The following BTNL3 variants were observed in gnomAD, a reference collection of about 807,000 sequenced individuals.
BTNL3 encodes butyrophilin-like protein 3.
A neutral mutation model predicts 40.1 loss-of-function variants in BTNL3; 20 were observed. The ratio of observed to expected loss-of-function variants is 0.50; its 90% CI spans 0.35 to 0.72. BTNL3 has a LOEUF of 0.72. Ranked by LOEUF, BTNL3 falls within the 30% of genes least tolerant of loss-of-function variation. The pLI, the probability that BTNL3 is intolerant of heterozygous loss-of-function variation, is 0.01. For synonymous variants in BTNL3, 179 were observed against 222.1 expected (o/e 0.81, Z 1.73); for missense variants, 449 against 582.2 (o/e 0.77, Z 2.35).
Position 181,001,698 on chromosome 5 carries a change from A to T in BTNL3, c.674-974A>T, listed in dbSNP as rs540271210. Among the ~76,000 whole-genome samples the T allele has an allele frequency of 5.3e-3, 711 of 133,998 alleles. 68 individuals carry two copies. The highest frequency in any genetic ancestry group is 0.017 in the African/African-American group (663 of 39,190). The allele number at this position is 133,998 out of a possible 152,430, so 87.9% of individuals were successfully genotyped here. ...ATCTCTACTAAAAATACAAAAAATTAGCTAGGCGTGGTGGCGGGCGCCTGT... is the reference window on the plus strand; with the variant it reads ...ATCTCTACTAAAAATACAAAAAATTTGCTAGGCGTGGTGGCGGGCGCCTGT... On this transcript the variant is annotated intron_variant, in intron 3 of 7. Transcript: ENST00000342868.
intron 1 of BTNL3, among the ~76,000 whole-genome samples, chr5:180,990,415 A>G (rs989264681): frequency 7.3e-6 from 1 of 137,804 alleles, no homozygotes; most frequent in African/African-American, 2.5e-5. Context: ...TAATAAGATC[A>G]CATCTGTGAC....
chr5:181,001,910 T>TA lies in BTNL3; in HGVS notation c.674-751dup, dbSNP rs1290854815. ...AGGAGAAAAGAATAAACATTACCTT[T>TA]AAAAAAAAAAAGAAATCCTCCCACT... On this transcript the variant is annotated intron_variant, in intron 3 of 7. Transcript: ENST00000342868. Among the ~76,000 whole-genome samples, 112 of 122,458 alleles carry TA rather than the reference T, an allele frequency of 9.1e-4. 18 individuals carry two copies. The highest frequency in any genetic ancestry group is 5.1e-3 in the South Asian group (21 of 4,126). The allele number at this position is 122,458 out of a possible 152,430, so 80.3% of individuals were successfully genotyped here.
Position 180,993,037 on chromosome 5 carries a change from A to G in BTNL3, c.274A>G (p.Ile92Val). The change falls in exon 2 of 8, where the codon ATT becomes GTT. Residue 92 changes from isoleucine to valine, a missense_variant. By Grantham distance (29) the Ile-to-Val change is conservative. Coordinates refer to ENST00000342868, the MANE Select transcript of BTNL3 (RefSeq NM_197975.3). Reference sequence around the variant, plus strand: ...GAGAACTGAGTTTGTGAAGGACTCCATTGCAGGGGGGCGTGTCTCTCTAAG... The same window carrying G: ...GAGAACTGAGTTTGTGAAGGACTCCGTTGCAGGGGGGCGTGTCTCTCTAAG... ...RGRTEFVKDSIAGGRVSLRLK... is the reference protein window; with the variant it reads ...RGRTEFVKDSVAGGRVSLRLK... The G allele has an allele frequency of 1.4e-6, 2 of 1,458,288 alleles. 1 individual carries two copies. The allele number at this position is 1,458,288 out of a possible 1,614,324, so 90.3% of individuals were successfully genotyped here.
Position 181,005,239 on chromosome 5 carries a change from C to T in BTNL3, c.863-95C>T, listed in dbSNP as rs111438853. 5.6e-3 allele frequency: 8,822 copies of T among 1,582,388 alleles called. 440 individuals are homozygous for T. In the African/African-American group the frequency reaches 0.1, roughly 19 times the overall value. On this transcript the variant is annotated intron_variant, in intron 7 of 7. Coordinates refer to ENST00000342868, the MANE Select transcript of BTNL3 (RefSeq NM_197975.3). ...ATAGTGGGACTGGCCGGATCCTACC[C>T]GGAGCCAGTCTGCAGTGGGAGGGTC...
rs370760760 is a variant in BTNL3, at chr5:180,995,863, C to T, written c.398-1350C>T. On this transcript the variant is annotated intron_variant, in intron 2 of 7. Transcript: ENST00000342868. ...TCTACTCCTGGGGTCCCTAGTCAGT[C>T]CTCCTTAGTCTTTCCACTTTTCAAA... 2.4e-4 allele frequency among the ~76,000 whole-genome samples: 32 copies of T among 135,270 alleles called. 1 individual carries two copies. The South Asian group carries it at 6.9e-3, about 29-fold the overall frequency. 88.7% of individuals were successfully genotyped at this position (135,270 alleles called of 152,430 possible).
At chr5:181,000,414 A>T (rs1255293853) in intron 3 of BTNL3, among the ~76,000 whole-genome samples, 1 of 137,472 alleles carries the variant, frequency 7.3e-6, no homozygotes, top group East Asian at 2.1e-4. Context: ...TCTGATAAAA[A>T]GATATCTAAA....
At chr5:181,002,357 C>T (rs1225215011) in intron 3 of BTNL3, among the ~76,000 whole-genome samples, 1 of 66,408 alleles carries the variant, frequency 1.5e-5, no homozygotes, top group Admixed American at 2.3e-4. Context: ...CACACACACA[C>T]ACACACACAC....
chr5:181,005,534 G>A lies in BTNL3; in HGVS notation c.1063G>A (p.Val355Met), dbSNP rs780249765. 6.2e-7 allele frequency: 1 copy of A among 1,614,158 alleles called. No homozygotes were observed. The highest frequency in any genetic ancestry group is 8.5e-7 in the Non-Finnish European group (1 of 1,180,034). The change falls in exon 8 of 8, where the codon GTG becomes ATG. Residue 355 changes from valine to methionine, a missense_variant. Physicochemically the swap from Val to Met is conservative, Grantham distance 21 (BLOSUM62 1). Around this residue, in one of 2 missense-constraint regions of BTNL3, gnomAD observed 323 missense variants for 464.9 expected, o/e 0.69. Transcript: ENST00000342868. ...VDVGQNVGWY[V>M]GVCRDDVDRG... The stretch of plus-strand genomic sequence containing the variant: ...CGTGGGACAAAATGTAGGGTGGTAT[G>A]TGGGAGTGTGTCGGGATGACGTAGA...
At chr5:181,002,097 A>G (rs1310819377) in intron 3 of BTNL3, among the ~76,000 whole-genome samples, 2 of 133,982 alleles carry the variant, frequency 1.5e-5, no homozygotes, top group Non-Finnish European at 3.4e-5. Flanking sequence ...GCTTAGTCTT[A>G]TCTCAGAGAC....
chr5:181,004,807 T>C, intron 7 of BTNL3, 45 bp downstream of exon 7: 3 of 1,614,050 alleles, frequency 1.9e-6, no homozygotes, highest in Non-Finnish European at 2.5e-6. Flanking sequence ...AGTAGGAAGA[T>C]GACCAGTGAC....
At position 181,002,259 on chromosome 5, in the gene BTNL3, A is replaced by G. The variant is rs1283624631; in HGVS notation, c.674-413A>G. Among the ~76,000 whole-genome samples the G allele has an allele frequency of 2.3e-5, 3 of 128,560 alleles. 1 individual carries two copies. Among genetic ancestry groups the G allele is most frequent in the Non-Finnish European group, 5.3e-5 (3 of 56,778 alleles). 84.3% of individuals were successfully genotyped at this position (128,560 alleles called of 152,430 possible). On this transcript the variant is annotated intron_variant, in intron 3 of 7. Transcript: ENST00000342868. ...ACCTTGCATGTGTGGCAGTGTGTAAAGCAAGGTCCACTCAACAAACATTGC... is the reference window on the plus strand; with the variant it reads ...ACCTTGCATGTGTGGCAGTGTGTAAGGCAAGGTCCACTCAACAAACATTGC...
At position 180,997,181 on chromosome 5, in the gene BTNL3, T is replaced by G. The variant is rs375050350; in HGVS notation, c.398-32T>G. Reference sequence around the variant, plus strand: ...AATGCTGTAAGCTTGAAATTTGGTCTTTGCTTTCATCTTTCCCTGTTTTCT... The same window carrying G: ...AATGCTGTAAGCTTGAAATTTGGTCGTTGCTTTCATCTTTCCCTGTTTTCT... On this transcript the variant is annotated intron_variant, in intron 2 of 7. Transcript: ENST00000342868. 20 of 1,463,042 alleles carry G rather than the reference T, an allele frequency of 1.4e-5. 4 individuals carry two copies. Among genetic ancestry groups the G allele is most frequent in the Non-Finnish European group, 1.8e-5 (19 of 1,059,124 alleles). The allele number at this position is 1,463,042 out of a possible 1,614,324, so 90.6% of individuals were successfully genotyped here. A position where few individuals can be genotyped will look rare whatever the true frequency, so the allele number is the denominator to read the frequency against.
At chr5:181,003,956 C>T (rs757111665) in intron 5 of BTNL3, 80 bp downstream of exon 5, 3 of 1,612,358 alleles carry the variant, frequency 1.9e-6, no homozygotes, top group South Asian at 2.2e-5. Context: ...TCTGGACGAC[C>T]CTGGCTGCAG....
intron 4 of BTNL3, among the ~76,000 whole-genome samples, chr5:181,003,369 C>T (rs1296380162): frequency 1.5e-5 from 2 of 135,000 alleles, no homozygotes; most frequent in East Asian, 4.3e-4. Context: ...GAGACCCTGA[C>T]TCAATAAATA....
At chr5:181,003,159 C>G (rs1760153752) in intron 4 of BTNL3, among the ~76,000 whole-genome samples, 1 of 134,978 alleles carries the variant, frequency 7.4e-6, no homozygotes, top group African/African-American at 2.5e-5. Flanking sequence ...AGTGTAAGAC[C>G]ATCCTGGGCA....
In BTNL3 at chr5:181,000,835, AAAAATAAAAT is replaced by A. The variant is rs947455819; in HGVS notation, c.674-1821_674-1812del. 1.5e-5 allele frequency among the ~76,000 whole-genome samples: 2 copies of A among 135,342 alleles called. 1 individual carries two copies. Among genetic ancestry groups the A allele is most frequent in the Non-Finnish European group, 3.4e-5 (2 of 59,234 alleles). 88.8% of individuals were successfully genotyped at this position (135,342 alleles called of 152,430 possible). A position where few individuals can be genotyped will look rare whatever the true frequency, so the allele number is the denominator to read the frequency against. ...CTCAAAAAAAAATAAAATAAAATAA[AAAAATAAAAT>A]AAAATAAAATAAAATCATAACATAA... On this transcript the variant is annotated intron_variant, in intron 3 of 7. Transcript: ENST00000342868.
rs1760229173 is a variant in BTNL3 at position 181,006,244 on chromosome 5, G to A, written c.*372G>A. ...CACGGACAGTGATTCCTGCCTCACAGGTGAAGATTAAAGAGACAACGAATG... is the reference window on the plus strand; with the variant it reads ...CACGGACAGTGATTCCTGCCTCACAAGTGAAGATTAAAGAGACAACGAATG... On this transcript the variant is annotated 3_prime_UTR_variant, in exon 8 of 8. Transcript: ENST00000342868. The A allele has an allele frequency of 1.0e-5, 4 of 399,422 alleles. No individual in the cohort carries two copies. The highest frequency in any genetic ancestry group is 1.3e-3 in the Middle Eastern group (2 of 1,590). 24.7% of individuals were successfully genotyped at this position (399,422 alleles called of 1,614,324 possible). A position where few individuals can be genotyped will look rare whatever the true frequency, so the allele number is the denominator to read the frequency against.
At position 181,005,520 on chromosome 5, in the gene BTNL3, A is replaced by G. The variant is rs550826087; in HGVS notation, c.1049A>G (p.Asn350Ser). ...KHYWEVDVGQ[N>S]VGWYVGVCRD... ...TACTGGGAGGTGGACGTGGGACAAA[A>G]TGTAGGGTGGTATGTGGGAGTGTGT... Residue 350 changes from asparagine to serine, a missense_variant, in exon 8 of 8, where the codon AAT (asparagine) becomes AGT (serine). Around this residue, in one of 2 missense-constraint regions of BTNL3, gnomAD observed 323 missense variants for 464.9 expected, o/e 0.69. Transcript: ENST00000342868. 1.9e-6 allele frequency: 3 copies of G among 1,614,128 alleles called. No homozygotes were observed. In the South Asian group the frequency reaches 3.3e-5, roughly 18 times the overall value.
chr5:180,995,895 C>A (rs1760030494), intron 2 of BTNL3, among the ~76,000 whole-genome samples: 1 of 135,478 alleles, frequency 7.4e-6, no homozygotes, highest in African/African-American at 2.5e-5. Flanking sequence ...CAAAATGCAC[C>A]TATGCTTGCC....
Sources: gnomAD v4.1 joint callset for allele counts (sites outside exome capture counted in the v4.1 genomes callset) on GRCh38, gnomAD v4.1.1 for gene constraint, gnomAD v4.1.1 regional missense constraint, MANE v1.5 for transcripts, NCBI Gene and HGNC (gene_info 2026-07-23, HGNC 2026-07-21) for gene names.